The following SLC5A9 variants were observed in gnomAD, a reference collection of about 807,000 sequenced individuals.
SLC5A9 encodes the protein sodium/glucose cotransporter 4.
SLC5A9 carries 59 observed loss-of-function variants against 70.9 expected under a neutral mutation model. That is an observed-to-expected ratio of 0.83 (90% CI 0.68 to 1.03). The LOEUF is 1.03. SLC5A9 is among the 50% of genes least tolerant of loss of function. The pLI is 0.00. For missense variants in SLC5A9, 832 were observed against 881.1 expected (o/e 0.94, Z 0.71); for synonymous variants, 340 against 346.5 (o/e 0.98, Z 0.21).
chr1:48,235,612 CCT>C, intron 9 of SLC5A9, 115 bp from the exon 10 acceptor site: 1 of 1,230,382 alleles, frequency 8.1e-7, no homozygotes, highest in Non-Finnish European at 1.1e-6. Context: ...CAACCCCTTC[CCT>C]CTCTCATCCC....
chr1:48,226,142 A>T (rs879558182), intron 2 of SLC5A9, among the ~76,000 whole-genome samples: 8 of 152,126 alleles, frequency 5.3e-5, no homozygotes, highest in Non-Finnish European at 1.0e-4. Context: ...TGGCGGGGTC[A>T]CTGGTGCTAC....
At chr1:48,245,249 G>A (rs1459309296) in intron 13 of SLC5A9, among the ~76,000 whole-genome samples, 1 of 151,976 alleles carries the variant, frequency 6.6e-6, no homozygotes, top group South Asian at 2.1e-4. Flanking sequence ...TGCAAAGGAA[G>A]TTCCCAAAGA....
At chr1:48,235,935 C>G in intron 10 of SLC5A9, 56 bp downstream of exon 10, 2 of 1,605,608 alleles carry the variant, frequency 1.2e-6, no homozygotes. Flanking sequence ...CTGCCCTGCC[C>G]TGGGTTACCC....
chr1:48,247,072 T>A (rs1644467630), intron 13 of SLC5A9, among the ~76,000 whole-genome samples: 1 of 152,174 alleles, frequency 6.6e-6, no homozygotes, highest in African/African-American at 2.4e-5. Flanking sequence ...TTGAAGAAAG[T>A]GGTGCTTCCA....
At chr1:48,243,540 TC>T (rs746224905) in intron 13 of SLC5A9, among the ~76,000 whole-genome samples, 16 of 152,264 alleles carry the variant, frequency 1.1e-4, no homozygotes, top group Non-Finnish European at 1.9e-4. Context: ...AATACCAACA[TC>T]AAAACATTCT....
At position 48,237,821 on chromosome 1, in the gene SLC5A9, A is replaced by G. The variant is rs758443854; in HGVS notation, c.1435A>G (p.Ile479Val). The G allele has an allele frequency of 1.9e-6, 3 of 1,614,014 alleles. No homozygotes were observed. ...PPITALFLLA[I>V]FCKRVTEPGA... Reference sequence around the variant, plus strand: ...CATCACCGCTCTCTTCCTGCTGGCCATCTTCTGCAAGAGGGTCACAGAGCC... The same window carrying G: ...CATCACCGCTCTCTTCCTGCTGGCCGTCTTCTGCAAGAGGGTCACAGAGCC... The change falls in exon 11 of 14, where the codon ATC (isoleucine) becomes GTC (valine). Residue 479 changes from isoleucine to valine, a missense_variant. By Grantham distance (29) the Ile-to-Val change is conservative. Transcript: ENST00000438567.
chr1:48,231,262 G>C (rs1644243428), intron 5 of SLC5A9, among the ~76,000 whole-genome samples: 1 of 152,206 alleles, frequency 6.6e-6, no homozygotes, highest in East Asian at 1.9e-4. Context: ...GAATGGACTT[G>C]GGATATTAAA....
intron 5 of SLC5A9, among the ~76,000 whole-genome samples, chr1:48,230,959 G>A (rs878994819): frequency 1.3e-5 from 2 of 152,106 alleles, no homozygotes; most frequent in South Asian, 4.1e-4. Context: ...AGGAGGAACA[G>A]GTCAGGCAGA....
chr1:48,232,240 G>C (rs1644259839), intron 7 of SLC5A9, 89 bp downstream of exon 7: 2 of 1,554,848 alleles, frequency 1.3e-6, no homozygotes, highest in Non-Finnish European at 1.7e-6. Flanking sequence ...ATAGAGGGTT[G>C]GACCTCATTC....
chr1:48,223,275 C>T lies in SLC5A9; in HGVS notation c.162+377C>T, dbSNP rs144014885. 2.0e-4 allele frequency among the ~76,000 whole-genome samples: 31 copies of T among 152,276 alleles called. No individual in the cohort carries two copies. The East Asian group carries it at 3.7e-3, about 18-fold the overall frequency. ...CCTGGCCCTACCTCAGTCCTGCATTCGTTAGCATCTTGGCTAAGGTGATTT... is the reference window on the plus strand; with the variant it reads ...CCTGGCCCTACCTCAGTCCTGCATTTGTTAGCATCTTGGCTAAGGTGATTT... On this transcript the variant is annotated intron_variant, in intron 1 of 13. Coordinates refer to ENST00000438567, the MANE Select transcript of SLC5A9 (RefSeq NM_001011547.3).
In SLC5A9 at chr1:48,231,520, A is replaced by G. The variant is rs1038658287; in HGVS notation, c.611-25A>G. The G allele has an allele frequency of 1.9e-6, 3 of 1,612,756 alleles. No individual in the cohort carries two copies. In the African/African-American group the frequency reaches 4.0e-5, roughly 22 times the overall value. On this transcript the variant is annotated intron_variant, in intron 5 of 13. Coordinates refer to ENST00000438567, the MANE Select transcript of SLC5A9 (RefSeq NM_001011547.3). ...GAGGACCCCAAACTGGTGCTGACTGATGAGCCCTCTCCTTGGGTCCCCAGG... is the reference window on the plus strand; with the variant it reads ...GAGGACCCCAAACTGGTGCTGACTGGTGAGCCCTCTCCTTGGGTCCCCAGG...
intron 9 of SLC5A9, 61 bp downstream of exon 9, chr1:48,233,823 TG>T (rs1309767979): frequency 6.5e-5 from 79 of 1,222,896 alleles, no homozygotes; most frequent in Non-Finnish European, 9.0e-5. Context: ...CAATCTCCAC[TG>T]CCCAGGAGGG....
intron 5 of SLC5A9, 87 bp from the exon 6 acceptor site, chr1:48,231,458 C>T: frequency 1.3e-6 from 2 of 1,514,272 alleles, no homozygotes; most frequent in Non-Finnish European, 1.8e-6. Context: ...CTTCTCTGGT[C>T]TCCCCAGTGT....
chr1:48,224,685 A>C (rs1644118945), intron 1 of SLC5A9, 39 bp from the exon 2 acceptor site: 1 of 1,601,182 alleles, frequency 6.2e-7, no homozygotes. Flanking sequence ...AGGTTCAGAG[A>C]GTCTTGAGAA....
chr1:48,244,878 G>GTATGTATATATATATATATA (rs1553132215), intron 13 of SLC5A9, among the ~76,000 whole-genome samples: 1 of 29,402 alleles, frequency 3.4e-5, no homozygotes, highest in East Asian at 1.6e-3. Flanking sequence ...ATGTGTATGT[G>GTATGTATATATATATATATA]TATATATATA....
chr1:48,234,837 G>A (rs1050399247), intron 9 of SLC5A9, among the ~76,000 whole-genome samples: 3 of 152,110 alleles, frequency 2.0e-5, no homozygotes, highest in Admixed American at 2.0e-4. Context: ...AGCAGAGCAA[G>A]GGTCTCAGGT....
rs570169564 is a variant in SLC5A9, at chr1:48,245,293, G to A, written c.1838-2042G>A. ...AAGGAGACAGCTTGTACTTTCCCAC[G>A]GCTGAAACCCAGAACTAGACAGACT... On this transcript the variant is annotated intron_variant, in intron 13 of 13. Transcript: ENST00000438567. Among the ~76,000 whole-genome samples the A allele has an allele frequency of 5.3e-5, 8 of 152,102 alleles. No individual in the cohort carries two copies. In the East Asian group the frequency reaches 5.8e-4, roughly 11 times the overall value.
rs568863405 is a variant in SLC5A9 at position 48,244,072 on chromosome 1, G to A, written c.1837+1456G>A. On this transcript the variant is annotated intron_variant, in intron 13 of 13. Transcript: ENST00000438567. Reference sequence around the variant, plus strand: ...GTATGTCATTGTTTATAACGTCCAGGCAGAGAAATAAAATGCATCTTCATG... The same window carrying A: ...GTATGTCATTGTTTATAACGTCCAGACAGAGAAATAAAATGCATCTTCATG... Among the ~76,000 whole-genome samples, 28 of 152,284 alleles carry A rather than the reference G, an allele frequency of 1.8e-4. No individual in the cohort carries two copies. In the South Asian group the frequency reaches 4.8e-3, roughly 26 times the overall value.
chr1:48,244,721 TATATAAA>T (rs1429136090), intron 13 of SLC5A9, among the ~76,000 whole-genome samples: 3 of 137,266 alleles, frequency 2.2e-5, no homozygotes, highest in African/African-American at 5.3e-5. Context: ...AATATATATA[TATATAAA>T]ATATATAATA....
Sources: allele counts gnomAD v4.1 joint callset (sites outside exome capture counted in the v4.1 genomes callset), GRCh38; gene constraint gnomAD v4.1.1; transcripts MANE v1.5; gene names NCBI Gene and HGNC (gene_info 2026-07-23, HGNC 2026-07-21).